The following ATXN2 variants were observed in gnomAD, a reference collection of about 807,000 sequenced individuals.
ATXN2 encodes ataxin 2, also known as ataxin-2.
ATXN2 carries 37 observed loss-of-function variants against 138.6 expected under a neutral mutation model. The observed-to-expected ratio is 0.27, with a 90% CI of 0.21 to 0.35. The LOEUF (loss-of-function observed/expected upper bound fraction) is 0.35. ATXN2 is among the 10% of genes least tolerant of loss of function. The probability of loss-of-function intolerance (pLI) is 1.00; values close to 1 mark genes in which losing one functional copy is unlikely to be tolerated. For synonymous variants in ATXN2, 549 were observed against 543.7 expected (o/e 1.01, Z -0.13); for missense variants, 1,216 against 1,480.3 (o/e 0.82, Z 2.93).
Position 111,455,079 on chromosome 12 carries a change from C to T in ATXN2, c.3270+950G>A, listed in dbSNP as rs968366244. 2.3e-5 allele frequency: 16 copies of T among 702,972 alleles called. No homozygotes were observed. The Admixed American group carries it at 2.6e-4, about 11-fold the overall frequency. The allele number at this position is 702,972 out of a possible 1,614,324, so 43.5% of individuals were successfully genotyped here. A position where few individuals can be genotyped will look rare whatever the true frequency, so the allele number is the denominator to read the frequency against. ...TTCTGAGAGATAGATCCAACTGAGT[C>T]GCATCTCTAGCCCACACCTTGCCAG... On this transcript the variant is annotated intron_variant, in intron 23 of 24. Coordinates refer to ENST00000673436, the MANE Select transcript of ATXN2 (RefSeq NM_001372574.1).
chr12:111,499,690 A>C (rs935861187), intron 14 of ATXN2, among the ~76,000 whole-genome samples: 1 of 147,524 alleles, frequency 6.8e-6, no homozygotes, highest in South Asian at 2.2e-4. Flanking sequence ...AAAACAAAAC[A>C]AAAAAAAAAG....
chr12:111,498,799 T>A (rs1878583023), intron 14 of ATXN2, among the ~76,000 whole-genome samples: 1 of 152,168 alleles, frequency 6.6e-6, no homozygotes, highest in Non-Finnish European at 1.5e-5. Context: ...GGAATCATTA[T>A]CTGACTTCAA....
chr12:111,488,228 T>A (rs1349614940), intron 15 of ATXN2, among the ~76,000 whole-genome samples: 3 of 152,156 alleles, frequency 2.0e-5, no homozygotes, highest in Admixed American at 1.3e-4. Context: ...AAACTTTTCT[T>A]AATTTATGCC....
At chr12:111,457,502 A>G in intron 21 of ATXN2, 143 bp from the exon 22 acceptor site, 2 of 911,676 alleles carry the variant, frequency 2.2e-6, no homozygotes, top group Non-Finnish European at 3.2e-6. Flanking sequence ...ACTCCATTTA[A>G]ACCATCCATT....
rs147454930 is a variant in ATXN2, at chr12:111,572,294, G to C, written c.252-16375C>G. 2.7e-3 allele frequency among the ~76,000 whole-genome samples: 408 copies of C among 151,898 alleles called. 5 individuals carry two copies. The highest frequency in any genetic ancestry group is 9.5e-3 in the African/African-American group (393 of 41,428). On this transcript the variant is annotated intron_variant, in intron 1 of 24. Coordinates refer to ENST00000673436, the MANE Select transcript of ATXN2 (RefSeq NM_001372574.1). ...CACATGCCTATAACCCCAGCTACTT[G>C]AGAGGCTGAGGCAGGAGAATCACTT...
At chr12:111,599,569 CT>C, upstream of ATXN2, 1 of 1,149,856 alleles carries the variant, frequency 8.7e-7, no homozygotes, top group East Asian at 4.1e-5. Context: ...GATAGGGACT[CT>C]TTACCGGAAG....
At chr12:111,466,281 G>A (rs1196184417) in intron 20 of ATXN2, among the ~76,000 whole-genome samples, 7 of 151,574 alleles carry the variant, frequency 4.6e-5, no homozygotes, top group Non-Finnish European at 7.4e-5. Flanking sequence ...GGCGGATCAC[G>A]AGGTCAGGAG....
rs896428034 is a variant in ATXN2 at position 111,541,593 on chromosome 12, A to G, written c.571+10687T>C. 2.7e-5 allele frequency among the ~76,000 whole-genome samples: 4 copies of G among 148,416 alleles called. No individual in the cohort carries two copies. In the Admixed American group the frequency reaches 2.7e-4, roughly 10 times the overall value. ...CATGATCTGCCTGCCTCAGCCTCCC[A>G]AAGTGCTGGAATTATAGGCGTGAGC... On this transcript the variant is annotated intron_variant, in intron 5 of 24. Transcript: ENST00000673436.
At chr12:111,485,900 G>A (rs1365956040) in intron 16 of ATXN2, 35 bp from the exon 17 acceptor site, 1 of 1,600,776 alleles carries the variant, frequency 6.2e-7, no homozygotes, top group African/African-American at 1.3e-5. Flanking sequence ...TTATCTCAAG[G>A]TAACAGATGA....
intron 1 of ATXN2, among the ~76,000 whole-genome samples, chr12:111,558,731 A>G (rs1409530181): frequency 2.0e-5 from 3 of 152,198 alleles, no homozygotes; most frequent in Non-Finnish European, 4.4e-5. Flanking sequence ...CAGGAGGTCA[A>G]GACAGCAGTG....
chr12:111,553,028 C>A, intron 3 of ATXN2, 51 bp from the exon 4 acceptor site: 2 of 1,223,134 alleles, frequency 1.6e-6, no homozygotes, highest in Non-Finnish European at 2.3e-6. Flanking sequence ...ACCCGGTCAC[C>A]AGGGATATTT....
Position 111,544,128 on chromosome 12 carries a change from A to T in ATXN2, c.571+8152T>A, listed in dbSNP as rs529838560. On this transcript the variant is annotated intron_variant, in intron 5 of 24. Coordinates refer to ENST00000673436, the MANE Select transcript of ATXN2 (RefSeq NM_001372574.1). ...TTTAAAAGAATTACATGTAAAATCT[A>T]CATGTGTGTAAATTTTTCTAGGGTG... Among the ~76,000 whole-genome samples the T allele has an allele frequency of 1.4e-4, 22 of 152,268 alleles. No individual in the cohort carries two copies. The East Asian group carries it at 3.9e-3, about 27-fold the overall frequency.
In ATXN2 at chr12:111,485,343, T is replaced by TA. The variant is rs142680833; in HGVS notation, c.2458-13dup. On this transcript the variant is annotated splice_polypyrimidine_tract_variant and intron_variant, in intron 17 of 24. Transcript: ENST00000673436. ...ATTGGGTATAAAGGCTTGAGAGAAT[T>TA]AAAAAAAAAATTAACATTAGGCACC... The TA allele has an allele frequency of 2.9e-3, 4,445 of 1,537,848 alleles. 36 individuals carry two copies. In the African/African-American group the frequency reaches 0.038, roughly 13 times the overall value.
rs1592852910 is a variant in ATXN2, at chr12:111,516,160, A to C, written c.1369T>G (p.Ser457Ala). 6 of 1,599,014 alleles carry C rather than the reference A, an allele frequency of 3.8e-6. No homozygotes were observed. The highest frequency in any genetic ancestry group is 4.3e-6 in the Non-Finnish European group (5 of 1,175,580). Residue 457 changes from serine (S) to alanine (A), a missense_variant, in exon 10 of 25, where the codon TCA becomes GCA. Physicochemically the swap from Ser to Ala is moderately conservative, Grantham distance 99. This residue lies in a region of ATXN2 where 401 missense variants were observed against 528.1 expected (regional missense o/e 0.76). Coordinates refer to ENST00000673436, the MANE Select transcript of ATXN2 (RefSeq NM_001372574.1). This position sits in a 1 kb window ranked among gnomAD's most constrained non-coding sequence, Gnocchi z 5.0. ...PVSTMPKRMS[S>A]EGPPRMSPKA... is the part of the protein sequence containing the mutation. ...ACAAATTGTGGTATTGTACCTTCTG[A>C]AGACATGCGTTTAGGCATAGTAGAG...
In ATXN2 at chr12:111,456,169, G is replaced by A; in HGVS notation, c.3130C>T (p.Pro1044Ser). ...TTGGAGGCAGGTGTCATGGAGGGTG[G>A]AGTTGGCGCAAGCCCCGCGTGGTAA... ...AIYHAGLAPT[P>S]PSMTPASNTQ... Residue 1044 changes from proline (P) to serine (S), a missense_variant, in exon 23 of 25, where the codon CCA (proline) becomes TCA (serine). By Grantham distance (74) the Pro-to-Ser change is moderately conservative. Coordinates refer to ENST00000673436, the MANE Select transcript of ATXN2 (RefSeq NM_001372574.1). 6.2e-7 allele frequency: 1 copy of A among 1,614,262 alleles called. No homozygotes were observed. The highest frequency in any genetic ancestry group is 2.2e-5 in the East Asian group (1 of 44,890).
rs775014161 is a variant in ATXN2, at chr12:111,510,492, G to A, written c.1649C>T (p.Pro550Leu). 6.2e-7 allele frequency: 1 copy of A among 1,614,148 alleles called. No individual in the cohort carries two copies. The highest frequency in any genetic ancestry group is 8.5e-7 in the Non-Finnish European group (1 of 1,180,010). ...TTCAGTTGGAATAATACCAGCTTGG[G>A]GAGAAGCAAGAACTGGCCCACTGGG... ...NTPSGPVLAS[P>L]QAGIIPTEAV... Residue 550 changes from proline (P) to leucine (L), a missense_variant, in exon 12 of 25, where the codon CCC becomes CTC. Pro to Leu is a moderately conservative substitution (Grantham distance 98). This residue lies in a region of ATXN2 where 215 missense variants were observed against 210.0 expected (regional missense o/e 1.02). Coordinates refer to ENST00000673436, the MANE Select transcript of ATXN2 (RefSeq NM_001372574.1).
chr12:111,599,521 G>C, upstream of ATXN2: 5 of 1,211,938 alleles, frequency 4.1e-6, no homozygotes, highest in Non-Finnish European at 5.1e-6. Flanking sequence ...GCATCGGAGG[G>C]CGGGCGCGCC....
intron 21 of ATXN2, chr12:111,458,537 C>T (rs968317766): frequency 2.0e-5 from 3 of 152,192 alleles, no homozygotes; most frequent in East Asian, 1.9e-4. Context: ...CTAACCTCCA[C>T]GAGGCAATGA....
rs780997702 is a variant in ATXN2, at chr12:111,510,396, G to A, written c.1745C>T (p.Pro582Leu). 3.1e-5 allele frequency: 50 copies of A among 1,613,880 alleles called. No individual in the cohort carries two copies. Among genetic ancestry groups the A allele is most frequent in the Non-Finnish European group, 3.6e-5 (43 of 1,179,926 alleles). The change falls in exon 12 of 25, where the codon CCT becomes CTT. Residue 582 changes from proline (P) to leucine (L), a missense_variant. Transcript: ENST00000673436. ...ASPASNRAVT[P>L]SSEAKDSRLQ... ...CCTTTGTTACATACCCTCACTAGAA[G>A]GGGTAACAGCTCTGTTCGATGCAGG...
Sources: gnomAD v4.1 joint callset for allele counts (sites outside exome capture counted in the v4.1 genomes callset) on GRCh38, gnomAD v4.1.1 for gene constraint, gnomAD v4.1.1 regional missense constraint, Gnocchi (gnomAD v3.1) non-coding constraint, MANE v1.5 for transcripts, NCBI Gene and HGNC (gene_info 2026-07-23, HGNC 2026-07-21) for gene names.